The following MOSMO variants were observed in gnomAD, a reference collection of about 807,000 sequenced individuals.
The protein encoded by MOSMO is modulator of smoothened protein.
In MOSMO, 5 loss-of-function variants were observed where a neutral mutation model predicts 18.4. That is an observed-to-expected ratio of 0.27 (90% CI 0.14 to 0.57). The LOEUF is 0.57. Among genes scored for constraint, MOSMO ranks in the 20% least tolerant of loss-of-function variants. MOSMO has a pLI of 0.92. For synonymous variants in MOSMO, 82 were observed against 82.3 expected, an observed-to-expected ratio of 1.00 and a Z score of 0.02; for missense variants, 138 against 211.8, an observed-to-expected ratio of 0.65 and a Z score of 2.16.
intron 1 of MOSMO, among the ~76,000 whole-genome samples, chr16:22,067,742 G>T (rs1406782455): frequency 6.6e-6 from 1 of 152,116 alleles, no homozygotes; most frequent in African/African-American, 2.4e-5. Context: ...AGCTGGACGT[G>T]GTGGCACATG....
intron 1 of MOSMO, among the ~76,000 whole-genome samples, chr16:22,056,015 G>T (rs770560263): frequency 7.2e-5 from 11 of 152,276 alleles, no homozygotes; most frequent in Non-Finnish European, 1.6e-4. Context: ...GCTGTTTGGT[G>T]ATATGTCCTC....
In MOSMO at chr16:22,083,038, G is replaced by A. The variant is rs1310916643; in HGVS notation, c.*2158G>A. 1.3e-5 allele frequency: 2 copies of A among 152,142 alleles called. No homozygotes were observed. Among genetic ancestry groups the A allele is most frequent in the Admixed American group, 6.5e-5 (1 of 15,270 alleles). 9.4% of individuals were successfully genotyped at this position (152,142 alleles called of 1,614,324 possible). ...TGGATCACTTTGAAGGAAAGCTTTGGTTGTCACCGTTATATACCACTGAGA... is the reference window on the plus strand; with the variant it reads ...TGGATCACTTTGAAGGAAAGCTTTGATTGTCACCGTTATATACCACTGAGA... On this transcript the variant is annotated 3_prime_UTR_variant, in exon 3 of 3. Coordinates refer to ENST00000542527, the MANE Select transcript of MOSMO (RefSeq NM_001164579.2).
intron 1 of MOSMO, among the ~76,000 whole-genome samples, chr16:22,040,601 A>T (rs1293446531): frequency 6.6e-6 from 1 of 152,202 alleles, no homozygotes; most frequent in African/African-American, 2.4e-5. Context: ...GCATACACTG[A>T]TGGGCAGTAA....
intron 1 of MOSMO, among the ~76,000 whole-genome samples, chr16:22,032,470 G>T (rs1382012859): frequency 6.6e-6 from 1 of 152,120 alleles, no homozygotes; most frequent in Non-Finnish European, 1.5e-5. Flanking sequence ...GGAATTACAG[G>T]CATGAGCCAC....
chr16:22,087,457 C>G (rs978036302), downstream of MOSMO: 2 of 152,170 alleles, frequency 1.3e-5, no homozygotes, highest in African/African-American at 4.8e-5. Flanking sequence ...CTCTGGCACT[C>G]TTTCTCATGT....
intron 1 of MOSMO, among the ~76,000 whole-genome samples, chr16:22,022,006 C>T (rs1196248650): frequency 1.3e-5 from 2 of 152,108 alleles, no homozygotes; most frequent in African/African-American, 2.4e-5. Flanking sequence ...AGTACAGGCA[C>T]ACATGGTAAC....
chr16:22,013,706 T>G (rs1899579377), intron 1 of MOSMO, among the ~76,000 whole-genome samples: 1 of 152,120 alleles, frequency 6.6e-6, no homozygotes, highest in Non-Finnish European at 1.5e-5. Flanking sequence ...TCCCCAAAAG[T>G]CTCTTTCAAG....
In MOSMO at chr16:22,083,402, A is replaced by G. The variant is rs987465005; in HGVS notation, c.*2522A>G. ...TAGCCAGTCAGCACTCTAACCCAGG[A>G]TTAAACCATCCCATCAAGTAGTATG... On this transcript the variant is annotated 3_prime_UTR_variant, in exon 3 of 3. Coordinates refer to ENST00000542527, the MANE Select transcript of MOSMO (RefSeq NM_001164579.2). The G allele has an allele frequency of 4.1e-6, 1 of 241,726 alleles. No homozygotes were observed. The highest frequency in any genetic ancestry group is 8.0e-6 in the Non-Finnish European group (1 of 125,226). 15.0% of individuals were successfully genotyped at this position (241,726 alleles called of 1,614,324 possible).
At chr16:22,030,524 T>G (rs1899971993) in intron 1 of MOSMO, among the ~76,000 whole-genome samples, 1 of 152,210 alleles carries the variant, frequency 6.6e-6, no homozygotes, top group Admixed American at 6.5e-5. Flanking sequence ...AGTTTGGGAC[T>G]CATTTTTAAC....
intron 1 of MOSMO, 136 bp downstream of exon 1, chr16:22,008,543 A>G (rs1259639605): frequency 5.3e-6 from 3 of 569,050 alleles, no homozygotes; most frequent in Non-Finnish European, 9.0e-6. Context: ...GGCGGAGGGG[A>G]GACCCGGGCC....
chr16:22,010,800 C>T (rs1899509087), intron 1 of MOSMO, among the ~76,000 whole-genome samples: 1 of 151,838 alleles, frequency 6.6e-6, no homozygotes, highest in Admixed American at 6.6e-5. Flanking sequence ...GCATGCCTGT[C>T]ATCCCAGCTA....
At chr16:22,072,692 G>C (rs372513383) in intron 1 of MOSMO, among the ~76,000 whole-genome samples, 1 of 151,850 alleles carries the variant, frequency 6.6e-6, no homozygotes, top group Non-Finnish European at 1.5e-5. Context: ...GGCGCCTGTC[G>C]TCCCAGCAGC....
intron 1 of MOSMO, among the ~76,000 whole-genome samples, chr16:22,020,360 T>A (rs1254377831): frequency 1.4e-5 from 2 of 146,394 alleles, no homozygotes; most frequent in Non-Finnish European, 3.0e-5. Flanking sequence ...AATGGCTTGA[T>A]CTCGGATCAC....
chr16:22,041,285 G>GT (rs796290211), intron 1 of MOSMO, among the ~76,000 whole-genome samples: 9 of 152,242 alleles, frequency 5.9e-5, no homozygotes, highest in African/African-American at 1.7e-4. Flanking sequence ...GCCTTGTTTT[G>GT]TTTTTTTATG....
chr16:22,044,090 AC>A (rs1329177240), intron 1 of MOSMO, among the ~76,000 whole-genome samples: 1 of 151,144 alleles, frequency 6.6e-6, no homozygotes, highest in Non-Finnish European at 1.5e-5. Context: ...ATGGGAGGGA[AC>A]CCCCCGCCCC....
At chr16:22,022,822 C>T (rs1270169348) in intron 1 of MOSMO, among the ~76,000 whole-genome samples, 1 of 152,172 alleles carries the variant, frequency 6.6e-6, no homozygotes, top group East Asian at 1.9e-4. Context: ...ACCTAGAAGA[C>T]CCTCACCAGA....
chr16:22,064,278 C>T, intron 1 of MOSMO: 1 of 456,142 alleles, frequency 2.2e-6, no homozygotes. Context: ...GATAATTCCA[C>T]AGTACTTTTC....
intron 1 of MOSMO, among the ~76,000 whole-genome samples, chr16:22,012,715 A>G (rs1326308159): frequency 6.8e-6 from 1 of 147,684 alleles, no homozygotes; most frequent in Non-Finnish European, 1.5e-5. Flanking sequence ...CTCAGCTTCT[A>G]CTTGAACTAC....
downstream of MOSMO, among the ~76,000 whole-genome samples, chr16:22,084,866 G>A (rs974201835): frequency 2.0e-5 from 3 of 152,098 alleles, no homozygotes; most frequent in Non-Finnish European, 4.4e-5. Flanking sequence ...CGTGGATTAG[G>A]CCATGATTAC....
Sources: gnomAD v4.1 joint callset for allele counts (sites outside exome capture counted in the v4.1 genomes callset) on GRCh38, gnomAD v4.1.1 for gene constraint, MANE v1.5 for transcripts, NCBI Gene and HGNC (gene_info 2026-07-23, HGNC 2026-07-21) for gene names.